Variants in BBS4 observed in about 807,000 individuals in gnomAD.
BBS4 encodes Bardet-Biedl syndrome 4, also known as BBSome complex member BBS4.
BBS4 carries 58 observed loss-of-function variants against 71.4 expected under a neutral mutation model. That is an observed-to-expected ratio of 0.81 (90% CI 0.66 to 1.01). BBS4 has a LOEUF of 1.01. Ranked by LOEUF, BBS4 falls within the 50% of genes least tolerant of loss-of-function variation. The pLI is 0.00. For synonymous variants in BBS4, 228 were observed against 216.8 expected, an observed-to-expected ratio of 1.05 and a Z score of -0.46; for missense variants, 660 against 607.9, an observed-to-expected ratio of 1.09 and a Z score of -0.90.
At chr15:72,731,497 G>A in intron 11 of BBS4, 40 bp downstream of exon 11, 1 of 1,614,186 alleles carries the variant, frequency 6.2e-7, no homozygotes, top group South Asian at 1.1e-5. Flanking sequence ...ATTTCTACAT[G>A]TGGTTATTGG....
chr15:72,686,549 C>G lies in BBS4; in HGVS notation c.24+298C>G, dbSNP rs750850065. The G allele has an allele frequency of 4.6e-5, 68 of 1,473,072 alleles. 3 individuals carry two copies. The Middle Eastern group carries it at 3.1e-3, about 68-fold the overall frequency. The allele number at this position is 1,473,072 out of a possible 1,614,324, so 91.3% of individuals were successfully genotyped here. On this transcript the variant is annotated intron_variant, in intron 1 of 15. Transcript: ENST00000268057. ...TTACCGTAGTGCCATCTTTTTCTGTCTCGGGGGTTTGGAAGGTAATGACTA... is the reference window on the plus strand; with the variant it reads ...TTACCGTAGTGCCATCTTTTTCTGTGTCGGGGGTTTGGAAGGTAATGACTA...
At chr15:72,714,300 A>T (rs2065429991) in intron 4 of BBS4, among the ~76,000 whole-genome samples, 1 of 137,548 alleles carries the variant, frequency 7.3e-6, no homozygotes, top group Non-Finnish European at 1.5e-5. Flanking sequence ...ATCCCAGCTC[A>T]CTGCAACCTC....
At chr15:72,698,807 G>A (rs2065122100) in intron 2 of BBS4, among the ~76,000 whole-genome samples, 1 of 152,098 alleles carries the variant, frequency 6.6e-6, no homozygotes. Flanking sequence ...GTTCTCAGAC[G>A]TGATTTTGAT....
chr15:72,703,548 G>C (rs995596619), intron 2 of BBS4, among the ~76,000 whole-genome samples: 3 of 152,144 alleles, frequency 2.0e-5, no homozygotes, highest in Admixed American at 6.6e-5. Context: ...AACATTTATT[G>C]AATGACTATT....
chr15:72,734,230 T>C (rs569890180), intron 12 of BBS4, among the ~76,000 whole-genome samples: 16 of 152,236 alleles, frequency 1.1e-4, no homozygotes, highest in Non-Finnish European at 1.8e-4. Flanking sequence ...TTTCTTTAGA[T>C]AGCTGGGTTC....
chr15:72,687,024 G>A (rs2064860423), intron 1 of BBS4, among the ~76,000 whole-genome samples: 1 of 151,836 alleles, frequency 6.6e-6, no homozygotes, highest in Non-Finnish European at 1.5e-5. Flanking sequence ...TAAGCAGCAA[G>A]GTTAGTGTTA....
intron 2 of BBS4, among the ~76,000 whole-genome samples, chr15:72,704,872 T>G: frequency 6.6e-6 from 1 of 151,646 alleles, no homozygotes; most frequent in East Asian, 1.9e-4. Flanking sequence ...AGAACTCGAC[T>G]CCATCTCAAA....
chr15:72,736,327 C>T (rs1340488413), intron 14 of BBS4, among the ~76,000 whole-genome samples: 4 of 150,978 alleles, frequency 2.6e-5, no homozygotes, highest in East Asian at 2.0e-4. Context: ...CTGCAACCTC[C>T]GCCTCCTGGG....
At chr15:72,725,002 A>G (rs1169727084) in intron 8 of BBS4, among the ~76,000 whole-genome samples, 3 of 150,794 alleles carry the variant, frequency 2.0e-5, no homozygotes, top group Non-Finnish European at 4.4e-5. Flanking sequence ...GTGGAAGGAG[A>G]TGGTTTGGGA....
At chr15:72,712,786 T>G (rs1024539666) in intron 4 of BBS4, among the ~76,000 whole-genome samples, 2 of 152,236 alleles carry the variant, frequency 1.3e-5, no homozygotes, top group Non-Finnish European at 2.9e-5. Flanking sequence ...GACTTTATGT[T>G]GTATACTAAT....
chr15:72,731,824 T>C (rs1449263808), intron 12 of BBS4, 98 bp downstream of exon 12: 2 of 1,434,756 alleles, frequency 1.4e-6, no homozygotes, highest in Non-Finnish European at 1.9e-6. Context: ...ATAGGAGCCA[T>C]TCCCTTAGAG....
Position 72,735,559 on chromosome 15 carries a change from A to G in BBS4, c.1107-266A>G, listed in dbSNP as rs2065904911. 5.4e-6 allele frequency: 3 copies of G among 556,448 alleles called. No homozygotes were observed. In the South Asian group the frequency reaches 6.0e-5, roughly 11 times the overall value. The allele number at this position is 556,448 out of a possible 1,614,324, so 34.5% of individuals were successfully genotyped here. ...GCTGGCATCTTCTAGACAGCAGGGT[A>G]GAGATCCCTTTTTCAACCCTGGCCT... On this transcript the variant is annotated intron_variant, in intron 13 of 15. Transcript: ENST00000268057.
At chr15:72,721,655 A>G (rs544347265) in intron 6 of BBS4, among the ~76,000 whole-genome samples, 3 of 152,306 alleles carry the variant, frequency 2.0e-5, no homozygotes, top group Admixed American at 6.5e-5. Flanking sequence ...TGCTCAACCA[A>G]TGGTTGCTGT....
intron 3 of BBS4, 89 bp from the exon 4 acceptor site, chr15:72,712,155 C>G (rs546339194): frequency 8.2e-7 from 1 of 1,219,002 alleles, no homozygotes; most frequent in Non-Finnish European, 1.2e-6. Context: ...GCATGAGCCA[C>G]CGCACCTGGC....
At chr15:72,688,411 CTTTTTTT>C (rs58644289) in intron 1 of BBS4, among the ~76,000 whole-genome samples, 8 of 83,052 alleles carry the variant, frequency 9.6e-5, no homozygotes, top group Non-Finnish European at 1.5e-4. Flanking sequence ...GGTATTTTAT[CTTTTTTT>C]TTTTTTTTTT....
At chr15:72,716,711 T>C in intron 5 of BBS4, 67 bp from the exon 6 acceptor site, 1 of 1,099,772 alleles carries the variant, frequency 9.1e-7, no homozygotes, top group Non-Finnish European at 1.4e-6. Context: ...GATTAAAATG[T>C]GGGACTAGTA....
intron 1 of BBS4, 107 bp from the exon 2 acceptor site, chr15:72,695,066 GATTA>G: frequency 1.3e-6 from 1 of 746,216 alleles, no homozygotes; most frequent in South Asian, 1.6e-5. Context: ...GGATTTAATG[GATTA>G]ATTGCATAAT....
intron 2 of BBS4, among the ~76,000 whole-genome samples, chr15:72,706,893 C>T (rs969281898): frequency 1.3e-5 from 2 of 151,950 alleles, no homozygotes; most frequent in Non-Finnish European, 2.9e-5. Context: ...ATTGCCCAGG[C>T]TGGTATCAAA....
rs2065912800 is a variant in BBS4 at position 72,735,893 on chromosome 15, T to C, written c.1175T>C (p.Leu392Pro). ...AACCAGGGCGAGAAGAAGAACGCCC[T>C]GGCCCAATATCAGGAGATGGAGAAG... ...LYNQGEKKNA[L>P]AQYQEMEKKV... Residue 392 changes from leucine to proline, a missense_variant, in exon 14 of 16, where the codon CTG becomes CCG. Transcript: ENST00000268057. The C allele has an allele frequency of 6.2e-7, 1 of 1,614,136 alleles. No individual in the cohort carries two copies. Among genetic ancestry groups the C allele is most frequent in the African/African-American group, 1.3e-5 (1 of 75,026 alleles).
Sources: gnomAD v4.1 joint callset for allele counts (sites outside exome capture counted in the v4.1 genomes callset) on GRCh38, gnomAD v4.1.1 for gene constraint, MANE v1.5 for transcripts, NCBI Gene and HGNC (gene_info 2026-07-23, HGNC 2026-07-21) for gene names.